The following FGGY variants were observed in gnomAD, a reference collection of about 807,000 sequenced individuals.
The protein encoded by FGGY is FGGY carbohydrate kinase domain containing.
A neutral mutation model predicts 71.3 loss-of-function variants in FGGY; 72 were observed. That is an observed-to-expected ratio of 1.01 (90% CI 0.84 to 1.23). FGGY has a LOEUF of 1.23. Among genes scored for constraint, FGGY ranks in the 50% most tolerant of loss-of-function variants. FGGY has a pLI of 0.00. For missense variants in FGGY, 668 were observed against 682.3 expected (o/e 0.98, Z 0.23); for synonymous variants, 251 against 250.3 (o/e 1.00, Z -0.02).
chr1:59,351,872 T>C (rs1052740127), intron 4 of FGGY, among the ~76,000 whole-genome samples: 1 of 152,046 alleles, frequency 6.6e-6, no homozygotes, highest in African/African-American at 2.4e-5. Context: ...TAGAGTCAGA[T>C]GTCAGAGGAA....
At chr1:59,624,128 T>A (rs969994201) in intron 9 of FGGY, among the ~76,000 whole-genome samples, 1 of 342 alleles carries the variant, frequency 2.9e-3, no homozygotes, top group Admixed American at 0.056. Context: ...CTGCATGAGT[T>A]TTTTTTTTTC....
chr1:59,442,333 G>T (rs539966989), intron 5 of FGGY, among the ~76,000 whole-genome samples: 164 of 152,282 alleles, frequency 1.1e-3, no homozygotes, highest in African/African-American at 3.8e-3. Flanking sequence ...CTTCTGAAGA[G>T]CTGATGTATT....
intron 8 of FGGY, among the ~76,000 whole-genome samples, chr1:59,597,433 T>C (rs1462987815): frequency 6.6e-6 from 1 of 152,196 alleles, no homozygotes; most frequent in East Asian, 1.9e-4. Context: ...TGATTCTTTC[T>C]CCCTCTTCTC....
At chr1:59,347,444 C>G (rs2052301174) in intron 4 of FGGY, among the ~76,000 whole-genome samples, 2 of 152,066 alleles carry the variant, frequency 1.3e-5, no homozygotes, top group Non-Finnish European at 1.5e-5. Flanking sequence ...TTTTTTATGG[C>G]TGCATATTAT....
In FGGY at chr1:59,326,308, A is replaced by G. The variant is rs1279037196; in HGVS notation, c.201+4558A>G. ...AATAAACAACACATATGAAGCCAGT[A>G]AAGTACCATTTTGTTCTGTCTTGGT... On this transcript the variant is annotated intron_variant, in intron 2 of 15. Transcript: ENST00000303721. Among the ~76,000 whole-genome samples, 4 of 152,236 alleles carry G rather than the reference A, an allele frequency of 2.6e-5. No individual in the cohort carries two copies. The East Asian group carries it at 7.7e-4, about 29-fold the overall frequency.
intron 14 of FGGY, among the ~76,000 whole-genome samples, chr1:59,712,889 T>G (rs1185094699): frequency 6.6e-6 from 1 of 152,212 alleles, no homozygotes; most frequent in Non-Finnish European, 1.5e-5. Context: ...TTATGCAAAT[T>G]TCTGCAGCCG....
At chr1:59,566,545 T>G (rs1379468291) in intron 8 of FGGY, among the ~76,000 whole-genome samples, 4 of 152,156 alleles carry the variant, frequency 2.6e-5, no homozygotes, top group African/African-American at 4.8e-5. Context: ...GGAAGCTTTT[T>G]GAGCAATCAG....
At chr1:59,747,711 A>G (rs1388967032) in intron 14 of FGGY, among the ~76,000 whole-genome samples, 1 of 152,236 alleles carries the variant, frequency 6.6e-6, no homozygotes, top group Non-Finnish European at 1.5e-5. Context: ...ATTAATATGA[A>G]CAGTCATTCT....
intron 14 of FGGY, among the ~76,000 whole-genome samples, chr1:59,682,598 A>G (rs2097511560): frequency 1.3e-5 from 2 of 152,210 alleles, no homozygotes; most frequent in African/African-American, 4.8e-5. Flanking sequence ...ACCCTGGAAG[A>G]AAAGGGCTGC....
At chr1:59,349,208 A>G (rs115356079) in intron 4 of FGGY, among the ~76,000 whole-genome samples, 2,686 of 152,282 alleles carry the variant, frequency 0.018, 84 homozygotes, top group African/African-American at 0.062. Context: ...TTATTCCATC[A>G]TGTCATGCAG....
At chr1:59,436,001 G>A (rs1256449645) in intron 5 of FGGY, among the ~76,000 whole-genome samples, 1 of 152,250 alleles carries the variant, frequency 6.6e-6, no homozygotes, top group East Asian at 1.9e-4. Flanking sequence ...TGTCACATTG[G>A]TGAGAAGTGG....
At position 59,316,087 on chromosome 1, in the gene FGGY, A is replaced by G. The variant is rs1023839628; in HGVS notation, c.-14-5449A>G. On this transcript the variant is annotated intron_variant, in intron 1 of 15. Transcript: ENST00000303721. ...TTGAAAGTGGTATTCAGTCATTTCT[A>G]TTAAGACTGAGGTGGGCAAGCTTAA... 6 of 152,332 alleles carry G rather than the reference A, an allele frequency of 3.9e-5. No homozygotes were observed. In the East Asian group the frequency reaches 1.2e-3, roughly 29 times the overall value. 9.4% of individuals were successfully genotyped at this position (152,332 alleles called of 1,614,324 possible). A position where few individuals can be genotyped will look rare whatever the true frequency, so the allele number is the denominator to read the frequency against.
Position 59,521,390 on chromosome 1 carries a change from G to A in FGGY, c.799+8951G>A, listed in dbSNP as rs539170540. Among the ~76,000 whole-genome samples, 22 of 152,222 alleles carry A rather than the reference G, an allele frequency of 1.4e-4. 1 individual carries two copies. In the South Asian group the frequency reaches 4.6e-3, roughly 32 times the overall value. On this transcript the variant is annotated intron_variant, in intron 7 of 15. Transcript: ENST00000303721. ...TGATTCTCTGGACTGCAGAAGGCTG[G>A]CCTTAGCTGAGAGACCAGACTTTGA...
At chr1:59,301,462 A>G (rs1203830691) in intron 1 of FGGY, among the ~76,000 whole-genome samples, 1 of 152,170 alleles carries the variant, frequency 6.6e-6, no homozygotes, top group Non-Finnish European at 1.5e-5. Flanking sequence ...GTATTCCACT[A>G]GCCAGAACCA....
At chr1:59,515,607 G>C (rs565037586) in intron 7 of FGGY, among the ~76,000 whole-genome samples, 2 of 152,164 alleles carry the variant, frequency 1.3e-5, no homozygotes, top group East Asian at 1.9e-4. Context: ...AGGGACTTAG[G>C]GGGAGGGAAT....
intron 4 of FGGY, among the ~76,000 whole-genome samples, chr1:59,375,119 G>T (rs2058434941): frequency 6.6e-6 from 1 of 151,192 alleles, no homozygotes; most frequent in Admixed American, 6.6e-5. Flanking sequence ...AAATGGCAGG[G>T]TGTGGTGGCA....
intron 11 of FGGY, among the ~76,000 whole-genome samples, chr1:59,650,701 G>T (rs1204711902): frequency 7.9e-6 from 1 of 126,762 alleles, no homozygotes; most frequent in Admixed American, 7.9e-5. Flanking sequence ...CAAAAAACCA[G>T]CTCCTGGATT....
chr1:59,595,013 T>A lies in FGGY; in HGVS notation c.904-12790T>A, dbSNP rs150686624. On this transcript the variant is annotated intron_variant, in intron 8 of 15. Transcript: ENST00000303721. ...ATGTCTGGAAAGGGGAAGGGCTGGT[T>A]CCACTGATGCCCCTGCATTCATTGA... Among the ~76,000 whole-genome samples the A allele has an allele frequency of 4.7e-3, 717 of 152,270 alleles. 12 individuals carry two copies. Among genetic ancestry groups the A allele is most frequent in the African/African-American group, 0.016 (677 of 41,544 alleles).
chr1:59,748,285 A>T (rs540940886), intron 14 of FGGY, among the ~76,000 whole-genome samples: 2 of 152,106 alleles, frequency 1.3e-5, no homozygotes, highest in Non-Finnish European at 2.9e-5. Context: ...ATAATTTCAG[A>T]TGATGATGTG....
Sources: allele counts gnomAD v4.1 joint callset (sites outside exome capture counted in the v4.1 genomes callset), GRCh38; gene constraint gnomAD v4.1.1; transcripts MANE v1.5; gene names NCBI Gene and HGNC (gene_info 2026-07-23, HGNC 2026-07-21).